The following FRRS1 variants were observed in gnomAD, a reference collection of about 807,000 sequenced individuals.
The protein encoded by FRRS1 is ferric chelate reductase 1.
A neutral mutation model predicts 70.7 loss-of-function variants in FRRS1; 51 were observed. The ratio of observed to expected loss-of-function variants is 0.72; its 90% CI spans 0.58 to 0.91. The LOEUF is 0.91. Among genes scored for constraint, FRRS1 ranks in the 40% least tolerant of loss-of-function variants. FRRS1 has a pLI of 0.00. For synonymous variants in FRRS1, 225 were observed against 238.7 expected, an observed-to-expected ratio of 0.94 and a Z score of 0.53; for missense variants, 672 against 726.0, an observed-to-expected ratio of 0.93 and a Z score of 0.86.
rs917688236 is a variant in FRRS1 at position 99,741,002 on chromosome 1, C to T, written c.429-62G>A. ...GTGTCCTGTCACAATCAGATCAAAACGTTAAAGGAAAAAAAAAAGAAAGAC... is the reference window on the plus strand; with the variant it reads ...GTGTCCTGTCACAATCAGATCAAAATGTTAAAGGAAAAAAAAAAGAAAGAC... On this transcript the variant is annotated intron_variant, in intron 5 of 16. Transcript: ENST00000646001. 6.4e-6 allele frequency: 9 copies of T among 1,399,658 alleles called. No homozygotes were observed. The East Asian group carries it at 6.9e-5, about 11-fold the overall frequency. 86.7% of individuals were successfully genotyped at this position (1,399,658 alleles called of 1,614,324 possible). A position where few individuals can be genotyped will look rare whatever the true frequency, so the allele number is the denominator to read the frequency against.
intron 14 of FRRS1, among the ~76,000 whole-genome samples, chr1:99,711,163 G>A (rs1041319543): frequency 7.2e-5 from 11 of 152,150 alleles, no homozygotes; most frequent in African/African-American, 2.4e-4. Flanking sequence ...CAATTGTGGG[G>A]GGCGGTTTAG....
intron 4 of FRRS1, among the ~76,000 whole-genome samples, chr1:99,742,934 G>A (rs940924524): frequency 6.6e-6 from 1 of 152,042 alleles, no homozygotes; most frequent in Non-Finnish European, 1.5e-5. Flanking sequence ...AGTAAGTCTT[G>A]TCCATCACCT....
In FRRS1 at chr1:99,738,133, G is replaced by A. The variant is rs778745016; in HGVS notation, c.712C>T (p.Pro238Ser). ...GCAAAGGATAAATAGCCTTTACTGG[G>A]GCCGCTCATTTCAACCATCACCGAT... ...DQSVMVEMSG[P>S]SKGYLSFALS... is the part of the protein sequence containing the mutation. Residue 238 changes from proline to serine, a missense_variant, in exon 7 of 17, where the codon CCC (proline) becomes TCC (serine). Physicochemically the swap from Pro to Ser is moderately conservative, Grantham distance 74. Transcript: ENST00000646001. 12 of 1,613,528 alleles carry A rather than the reference G, an allele frequency of 7.4e-6. No individual in the cohort carries two copies. The highest frequency in any genetic ancestry group is 5.0e-5 in the Admixed American group (3 of 59,998).
chr1:99,742,156 G>A (rs778318505), intron 5 of FRRS1, 23 bp downstream of exon 5: 14 of 1,474,268 alleles, frequency 9.5e-6, no homozygotes, highest in African/African-American at 1.4e-5. Flanking sequence ...GCCTGGCCCA[G>A]AATTATAAAC....
chr1:99,742,630 GA>G (rs1328565780), intron 4 of FRRS1, among the ~76,000 whole-genome samples: 2 of 152,168 alleles, frequency 1.3e-5, no homozygotes, highest in Non-Finnish European at 2.9e-5. Context: ...CTTCGAAAGA[GA>G]AAAATTTCCT....
chr1:99,710,817 A>T lies in FRRS1; in HGVS notation c.1613T>A (p.Leu538His), dbSNP rs747167930. ...EVVLEVHAYR[L>H]SRKVEILDDD... is the part of the protein sequence containing the mutation. ...TTTTACCAGGTTACCTTTGCGAGAG[A>T]GCCGATAAGCATGTACCTCCAGAAC... The change falls in exon 15 of 17, where the codon CTC becomes CAC. Residue 538 changes from leucine (L) to histidine (H), a missense_variant. Transcript: ENST00000646001. 3.1e-6 allele frequency: 5 copies of T among 1,613,854 alleles called. No homozygotes were observed. Among genetic ancestry groups the T allele is most frequent in the South Asian group, 1.1e-5 (1 of 90,976 alleles).
intron 1 of FRRS1, among the ~76,000 whole-genome samples, chr1:99,761,457 G>A (rs1657109186): frequency 6.6e-6 from 1 of 151,986 alleles, no homozygotes; most frequent in African/African-American, 2.4e-5. Context: ...TCATTTTCTG[G>A]AAAAATGATT....
At chr1:99,758,422 T>C (rs968379729) in intron 1 of FRRS1, among the ~76,000 whole-genome samples, 1 of 152,220 alleles carries the variant, frequency 6.6e-6, no homozygotes, top group Non-Finnish European at 1.5e-5. Flanking sequence ...GCTGGAGCCA[T>C]GGCAGAGGAA....
chr1:99,751,882 T>C (rs1371737202), intron 1 of FRRS1, among the ~76,000 whole-genome samples: 1 of 152,178 alleles, frequency 6.6e-6, no homozygotes, highest in Non-Finnish European at 1.5e-5. Context: ...TAGTCTAACA[T>C]GAAAGTTTGT....
intron 12 of FRRS1, among the ~76,000 whole-genome samples, chr1:99,713,592 C>T (rs1654377628): frequency 6.6e-6 from 1 of 152,166 alleles, no homozygotes; most frequent in Admixed American, 6.5e-5. Flanking sequence ...ATTTTGATAT[C>T]AAATTCTCAT....
At chr1:99,755,738 A>C (rs1204544296) in intron 1 of FRRS1, among the ~76,000 whole-genome samples, 2 of 152,224 alleles carry the variant, frequency 1.3e-5, no homozygotes, top group Non-Finnish European at 2.9e-5. Flanking sequence ...GGCCACCTTC[A>C]ATTCTAAAAT....
At chr1:99,738,343 T>C in intron 6 of FRRS1, 75 bp from the exon 7 acceptor site, 1 of 1,015,878 alleles carries the variant, frequency 9.8e-7, no homozygotes, top group South Asian at 1.7e-5. Flanking sequence ...GAAGAATAAC[T>C]ACCTTCAAGT....
chr1:99,711,958 C>A, intron 14 of FRRS1, 147 bp downstream of exon 14: 1 of 595,896 alleles, frequency 1.7e-6, no homozygotes, highest in Non-Finnish European at 3.0e-6. Context: ...AAATTACTTT[C>A]TGGATTTCAA....
chr1:99,749,078 C>T (rs4908016), intron 1 of FRRS1, 77 bp from the exon 2 acceptor site: 24,678 of 203,396 alleles, frequency 0.12, 2,192 homozygotes, highest in African/African-American at 0.25. Flanking sequence ...CTCTGTTGCC[C>T]GAGCTGGAGT....
chr1:99,737,433 A>G (rs566940526), intron 7 of FRRS1, among the ~76,000 whole-genome samples: 1 of 152,348 alleles, frequency 6.6e-6, no homozygotes, highest in East Asian at 1.9e-4. Context: ...CACTTGAATA[A>G]ACAATTCTGG....
At chr1:99,711,927 G>A (rs1654290664) in intron 14 of FRRS1, among the ~76,000 whole-genome samples, 178 bp downstream of exon 14, 1 of 152,164 alleles carries the variant, frequency 6.6e-6, no homozygotes, top group Non-Finnish European at 1.5e-5. Context: ...CTGAAATAAT[G>A]ACTTAAATCA....
At chr1:99,710,767 G>A (rs1453202883) in intron 15 of FRRS1, 39 bp downstream of exon 15, 4 of 1,587,216 alleles carry the variant, frequency 2.5e-6, no homozygotes, top group Non-Finnish European at 3.4e-6. Flanking sequence ...GGTTTGTATA[G>A]AAGTGCTTCT....
chr1:99,759,686 T>C (rs996007457), intron 1 of FRRS1, among the ~76,000 whole-genome samples: 7 of 152,072 alleles, frequency 4.6e-5, no homozygotes, highest in African/African-American at 7.2e-5. Context: ...AAGAAAAGGA[T>C]TGTAGTTTTA....
At chr1:99,755,096 GTTGA>G (rs1406938628) in intron 1 of FRRS1, among the ~76,000 whole-genome samples, 1 of 151,880 alleles carries the variant, frequency 6.6e-6, no homozygotes, top group African/African-American at 2.4e-5. Context: ...TAATAATATG[GTTGA>G]TTATTATAGG....
Sources: allele counts gnomAD v4.1 joint callset (sites outside exome capture counted in the v4.1 genomes callset), GRCh38; gene constraint gnomAD v4.1.1; transcripts MANE v1.5; gene names NCBI Gene and HGNC (gene_info 2026-07-23, HGNC 2026-07-21).